RFX4: variants seen among roughly 807,000 people sequenced by gnomAD.
RFX4 encodes the protein regulatory factor X4, also known as transcription factor RFX4.
Under a neutral mutation model 95.0 loss-of-function variants are expected in RFX4, and 10 were observed. The observed-to-expected ratio is 0.11, with a 90% confidence interval of 0.06 to 0.18. The LOEUF is 0.18. Ranked by LOEUF, RFX4 falls within the 10% of genes least tolerant of loss-of-function variation. The probability of loss-of-function intolerance (pLI) is 1.00; values close to 1 mark genes in which losing one functional copy is unlikely to be tolerated. For missense variants in RFX4, 640 were observed against 922.0 expected, an observed-to-expected ratio of 0.69 and a Z score of 3.96; for synonymous variants, 321 against 340.7, an observed-to-expected ratio of 0.94 and a Z score of 0.64.
chr12:106,684,609 TA>T, intron 5 of RFX4: 1 of 1,096,896 alleles, frequency 9.1e-7, no homozygotes, highest in Non-Finnish European at 1.2e-6. Context: ...TAAGAAGTTA[TA>T]AAGGTGAACT....
intron 9 of RFX4, among the ~76,000 whole-genome samples, chr12:106,710,000 T>C (rs888303213): frequency 6.6e-6 from 1 of 152,186 alleles, no homozygotes; most frequent in East Asian, 1.9e-4. Flanking sequence ...CATAAAGGGA[T>C]TGAGACTGTG....
chr12:106,659,487 T>C (rs566553238), intron 4 of RFX4, among the ~76,000 whole-genome samples: 12 of 152,210 alleles, frequency 7.9e-5, no homozygotes, highest in Non-Finnish European at 1.5e-4. Context: ...TTGTCCAAGC[T>C]TATTAATAGG....
chr12:106,652,782 C>A (rs538373463), intron 3 of RFX4, among the ~76,000 whole-genome samples: 1 of 152,286 alleles, frequency 6.6e-6, no homozygotes, highest in East Asian at 1.9e-4. Context: ...GAGTGCTGCC[C>A]TTTCAAGTGG....
chr12:106,674,800 C>T (rs1271373904), intron 4 of RFX4, among the ~76,000 whole-genome samples: 2 of 152,184 alleles, frequency 1.3e-5, no homozygotes, highest in African/African-American at 4.8e-5. Flanking sequence ...TTCTCAGTGC[C>T]TAGCAAAATG....
In RFX4 at chr12:106,614,477, C is replaced by G. The variant is rs200639845; in HGVS notation, c.130+5594C>G. Among the ~76,000 whole-genome samples the G allele has an allele frequency of 3.3e-4, 42 of 127,856 alleles. 1 individual carries two copies. Among genetic ancestry groups the G allele is most frequent in the East Asian group, 1.3e-3 (5 of 3,954 alleles). 83.9% of individuals were successfully genotyped at this position (127,856 alleles called of 152,430 possible). On this transcript the variant is annotated intron_variant, in intron 2 of 17. Coordinates refer to ENST00000392842, the MANE Select transcript of RFX4 (RefSeq NM_213594.3). ...CCCGGCCCTTCTTCACGTCTTTTGC[C>G]TGTGTGTGTGTGTGTGTGTGTGTGT... is the stretch of plus-strand genomic sequence containing the variant.
chr12:106,715,464 T>C lies in RFX4; in HGVS notation c.1058T>C (p.Val353Ala), dbSNP rs575182473. Reference sequence around the variant, plus strand: ...CAAATGCTGGAAGACTGGAGGAACGTGGACCTGAACAGCATCACCAAGCAA... The same window carrying C: ...CAAATGCTGGAAGACTGGAGGAACGCGGACCTGAACAGCATCACCAAGCAA... Reference protein sequence around the residue: ...TFQMLEDWRNVDLNSITKQTL... With the variant: ...TFQMLEDWRNADLNSITKQTL... Residue 353 changes from valine to alanine, a missense_variant, in exon 11 of 18, where the codon GTG becomes GCG. Physicochemically the swap from Val to Ala is moderately conservative, Grantham distance 64 (BLOSUM62 0). Coordinates refer to ENST00000392842, the MANE Select transcript of RFX4 (RefSeq NM_213594.3). 6.2e-7 allele frequency: 1 copy of C among 1,614,136 alleles called. No individual in the cohort carries two copies. The highest frequency in any genetic ancestry group is 8.5e-7 in the Non-Finnish European group (1 of 1,180,010).
chr12:106,653,308 C>T (rs981523509), intron 3 of RFX4, among the ~76,000 whole-genome samples: 2 of 152,160 alleles, frequency 1.3e-5, no homozygotes, highest in African/African-American at 2.4e-5. Flanking sequence ...ACATATAGTG[C>T]CCAAAAATGT....
chr12:106,684,936 G>A lies in RFX4; in HGVS notation c.378-1948G>A, dbSNP rs761154542. On this transcript the variant is annotated intron_variant, in intron 5 of 17. Coordinates refer to ENST00000392842, the MANE Select transcript of RFX4 (RefSeq NM_213594.3). Reference sequence around the variant, plus strand: ...ATCAGGAGTAAAGGAGGGTTGGGGAGAGGGAAGGTTTTGACGTGCTCATCT... The same window carrying A: ...ATCAGGAGTAAAGGAGGGTTGGGGAAAGGGAAGGTTTTGACGTGCTCATCT... 5.0e-6 allele frequency: 8 copies of A among 1,613,224 alleles called. 1 individual carries two copies. In the South Asian group the frequency reaches 7.7e-5, roughly 16 times the overall value.
chr12:106,601,571 T>G (rs1468644941), intron 1 of RFX4, among the ~76,000 whole-genome samples: 1 of 152,236 alleles, frequency 6.6e-6, no homozygotes, highest in Non-Finnish European at 1.5e-5. Context: ...ACTTTTTAAG[T>G]CAGGCAGCGT....
intron 2 of RFX4, among the ~76,000 whole-genome samples, chr12:106,610,772 C>G (rs1004093061): frequency 6.6e-6 from 1 of 152,120 alleles, no homozygotes; most frequent in Non-Finnish European, 1.5e-5. Context: ...CTGTTTTGAA[C>G]ACAGGCATAC....
chr12:106,636,547 G>T (rs1268354909), intron 2 of RFX4, among the ~76,000 whole-genome samples: 1 of 152,162 alleles, frequency 6.6e-6, no homozygotes, highest in Admixed American at 6.5e-5. Context: ...CAAAGAGTTG[G>T]TGGCATTTAT....
chr12:106,593,163 A>G (rs2039571711), intron 1 of RFX4, among the ~76,000 whole-genome samples: 1 of 152,228 alleles, frequency 6.6e-6, no homozygotes, highest in Admixed American at 6.5e-5. Context: ...TTATTAGTAG[A>G]GAGGTGAAAA....
At chr12:106,755,389 C>T (rs1322413191) in intron 17 of RFX4, among the ~76,000 whole-genome samples, 2 of 152,198 alleles carry the variant, frequency 1.3e-5, no homozygotes, top group Admixed American at 6.5e-5. Context: ...AACCACCACA[C>T]CTAGACTTTT....
At chr12:106,667,060 G>A (rs1054780430) in intron 4 of RFX4, among the ~76,000 whole-genome samples, 10 of 152,092 alleles carry the variant, frequency 6.6e-5, no homozygotes, top group African/African-American at 2.4e-4. Context: ...GCAATCTATT[G>A]TCCTGTGATT....
chr12:106,643,602 G>C (rs2040681093), intron 3 of RFX4, among the ~76,000 whole-genome samples: 1 of 152,134 alleles, frequency 6.6e-6, no homozygotes, highest in Admixed American at 6.5e-5. Flanking sequence ...AAAGTGACAT[G>C]ATTTACAACG....
intron 8 of RFX4, among the ~76,000 whole-genome samples, chr12:106,707,517 A>G (rs1403864567): frequency 1.3e-5 from 2 of 152,094 alleles, no homozygotes; most frequent in Non-Finnish European, 1.5e-5. Context: ...GGATCACAGA[A>G]GCCAAGAGAA....
intron 10 of RFX4, among the ~76,000 whole-genome samples, chr12:106,714,377 C>T (rs890697027): frequency 1.1e-4 from 16 of 152,100 alleles, no homozygotes; most frequent in Non-Finnish European, 2.4e-4. Context: ...TAGAGATTCA[C>T]CTAACTCATA....
In RFX4 at chr12:106,720,703, C is replaced by G; in HGVS notation, c.1234-56C>G. 6.6e-7 allele frequency: 1 copy of G among 1,526,036 alleles called. No individual in the cohort carries two copies. Among genetic ancestry groups the G allele is most frequent in the South Asian group, 1.1e-5 (1 of 89,188 alleles). 94.5% of individuals were successfully genotyped at this position (1,526,036 alleles called of 1,614,324 possible). On this transcript the variant is annotated intron_variant, in intron 12 of 17. Transcript: ENST00000392842. This position sits in a 1 kb window ranked among gnomAD's most constrained non-coding sequence, Gnocchi z 4.2. ...CAACCGGCCTCATTTTTCAAAGAGA[C>G]AGTAATAAATGAAAGGTCAAGTCGA...
intron 13 of RFX4, among the ~76,000 whole-genome samples, chr12:106,731,288 A>T (rs550560070): frequency 6.6e-6 from 1 of 152,344 alleles, no homozygotes; most frequent in African/African-American, 2.4e-5. Context: ...ATGCAAAAAA[A>T]AGCTGGTTTT....
Sources: gnomAD v4.1 joint callset for allele counts (sites outside exome capture counted in the v4.1 genomes callset) on GRCh38, gnomAD v4.1.1 for gene constraint, Gnocchi (gnomAD v3.1) non-coding constraint, MANE v1.5 for transcripts, NCBI Gene and HGNC (gene_info 2026-07-23, HGNC 2026-07-21) for gene names.